Variants in DOCK3 observed in about 807,000 individuals in gnomAD.
DOCK3 encodes the protein dedicator of cytokinesis protein 3.
Under a neutral mutation model 265.6 loss-of-function variants are expected in DOCK3, and 60 were observed. The ratio of observed to expected loss-of-function variants is 0.23; its 90% CI spans 0.18 to 0.28. DOCK3 has a LOEUF of 0.28. Ranked by LOEUF, DOCK3 falls within the 10% of genes least tolerant of loss-of-function variation. The pLI is 1.00. For synonymous variants in DOCK3, 881 were observed against 938.0 expected, an observed-to-expected ratio of 0.94 and a Z score of 1.11; for missense variants, 1,981 against 2,594.3, an observed-to-expected ratio of 0.76 and a Z score of 5.14.
chr3:51,135,049 C>T (rs975965014), intron 9 of DOCK3, among the ~76,000 whole-genome samples: 1 of 152,208 alleles, frequency 6.6e-6, no homozygotes, highest in Non-Finnish European at 1.5e-5. Context: ...GCAAAATAAT[C>T]AATACCAGAG....
At chr3:50,743,091 T>G (rs1388823460) in intron 1 of DOCK3, among the ~76,000 whole-genome samples, 2 of 151,750 alleles carry the variant, frequency 1.3e-5, no homozygotes, top group African/African-American at 4.8e-5. Context: ...CCAGCCAAAC[T>G]AAGCTTCATA....
chr3:51,307,259 G>T (rs2082735310), intron 27 of DOCK3, among the ~76,000 whole-genome samples: 2 of 152,004 alleles, frequency 1.3e-5, no homozygotes, highest in African/African-American at 2.4e-5. Context: ...TGGATTACAG[G>T]CATGCACCAC....
At chr3:50,948,044 T>A (rs1236903780) in intron 5 of DOCK3, among the ~76,000 whole-genome samples, 1 of 143,340 alleles carries the variant, frequency 7.0e-6, no homozygotes, top group African/African-American at 2.6e-5. Flanking sequence ...ATTATTATTA[T>A]TATTATTATT....
chr3:50,797,484 G>A (rs1057228997), intron 2 of DOCK3, among the ~76,000 whole-genome samples: 14 of 152,266 alleles, frequency 9.2e-5, no homozygotes, highest in African/African-American at 2.6e-4. Context: ...CTGTTGTCCC[G>A]GACAGCAGAT....
intron 18 of DOCK3, 43 bp from the exon 19 acceptor site, chr3:51,229,469 T>C (rs2090457548): frequency 7.5e-7 from 1 of 1,332,150 alleles, no homozygotes; most frequent in Non-Finnish European, 1.0e-6. Flanking sequence ...AAAAAGAATA[T>C]CCAGGTTTCA....
chr3:51,352,818 G>A (rs564523360), intron 40 of DOCK3, among the ~76,000 whole-genome samples: 1 of 152,312 alleles, frequency 6.6e-6, no homozygotes, highest in South Asian at 2.1e-4. Context: ...TTGTGGGGAT[G>A]CTGGAGCTCT....
intron 5 of DOCK3, among the ~76,000 whole-genome samples, chr3:51,024,842 C>G (rs1347023130): frequency 1.3e-5 from 2 of 152,182 alleles, no homozygotes; most frequent in Non-Finnish European, 2.9e-5. Flanking sequence ...TTCTTGAATG[C>G]TGGTAATACT....
intron 1 of DOCK3, among the ~76,000 whole-genome samples, chr3:50,765,721 T>G (rs902624810): frequency 6.6e-6 from 1 of 152,196 alleles, no homozygotes; most frequent in Non-Finnish European, 1.5e-5. Context: ...ATCAGGGCAG[T>G]TAGGTTTTCC....
intron 9 of DOCK3, among the ~76,000 whole-genome samples, chr3:51,090,663 T>C (rs1461556303): frequency 2.6e-5 from 4 of 152,084 alleles, no homozygotes; most frequent in East Asian, 1.9e-4. Flanking sequence ...TGCATCTATT[T>C]AATACCACAA....
intron 5 of DOCK3, among the ~76,000 whole-genome samples, chr3:50,993,951 T>A (rs1051203781): frequency 6.6e-6 from 1 of 152,192 alleles, no homozygotes; most frequent in African/African-American, 2.4e-5. Context: ...AACTGTCTAA[T>A]ACAGGTCTAG....
At chr3:51,147,981 T>C (rs549000904) in intron 10 of DOCK3, among the ~76,000 whole-genome samples, 8 of 152,334 alleles carry the variant, frequency 5.3e-5, no homozygotes, top group Non-Finnish European at 1.0e-4. Flanking sequence ...TTCCTATTTC[T>C]CCACATCCTC....
intron 3 of DOCK3, chr3:50,877,297 C>G (rs2047749899): frequency 2.7e-6 from 1 of 367,836 alleles, no homozygotes; most frequent in African/African-American, 2.1e-5. Flanking sequence ...TCTATTCAAC[C>G]TTTTTCTAAT....
intron 22 of DOCK3, among the ~76,000 whole-genome samples, chr3:51,249,617 G>T (rs1226152613): frequency 9.8e-6 from 1 of 102,134 alleles, no homozygotes; most frequent in South Asian, 3.6e-4. Context: ...TCAGCCCCCC[G>T]CCCGGCCAGC....
intron 48 of DOCK3, 145 bp downstream of exon 48, chr3:51,362,142 G>T (rs1345305913): frequency 1.8e-6 from 2 of 1,112,064 alleles, no homozygotes; most frequent in Non-Finnish European, 2.5e-6. Flanking sequence ...GAGCTAGAAA[G>T]CTGCCGTTCC....
intron 5 of DOCK3, among the ~76,000 whole-genome samples, chr3:50,989,056 T>C (rs912421700): frequency 1.3e-5 from 2 of 152,166 alleles, no homozygotes; most frequent in African/African-American, 2.4e-5. Flanking sequence ...AAGAAGAGGC[T>C]GGTCTTTGAC....
At chr3:51,376,012 C>G (rs1383379871) in intron 51 of DOCK3, among the ~76,000 whole-genome samples, 177 bp downstream of exon 51, 1 of 152,200 alleles carries the variant, frequency 6.6e-6, no homozygotes, top group Non-Finnish European at 1.5e-5. Context: ...TGACTTGATG[C>G]TAAGGTTTAT....
At position 51,375,756 on chromosome 3, in the gene DOCK3, T is replaced by C. The variant is rs1458103117; in HGVS notation, c.5421T>C (p.Asn1807=). The C allele has an allele frequency of 6.2e-7, 1 of 1,614,018 alleles. No individual in the cohort carries two copies. Among genetic ancestry groups the C allele is most frequent in the South Asian group, 1.1e-5 (1 of 91,086 alleles). Residue 1807 remains asparagine (N), a synonymous_variant, in exon 51 of 53, where the codon AAT becomes AAC. Transcript: ENST00000266037. Reference sequence around the variant, plus strand: ...TTATCTCCTTCCTTCAGCCGCCGAATTTCCAGCGAGCCCTGTTCCAGCAAG... The same window carrying C: ...TTATCTCCTTCCTTCAGCCGCCGAACTTCCAGCGAGCCCTGTTCCAGCAAG... The part of the protein sequence containing the change: ...AAILENGQPP[N]FQRALFQQVV...
At chr3:51,107,760 G>A (rs1030221513) in intron 9 of DOCK3, among the ~76,000 whole-genome samples, 1 of 152,174 alleles carries the variant, frequency 6.6e-6, no homozygotes, top group Non-Finnish European at 1.5e-5. Flanking sequence ...CTTGGAAAAC[G>A]TATTTCATTA....
chr3:50,681,793 T>C (rs1432703174), intron 1 of DOCK3, among the ~76,000 whole-genome samples: 1 of 152,236 alleles, frequency 6.6e-6, no homozygotes, highest in Non-Finnish European at 1.5e-5. Flanking sequence ...CCTTCGGAAC[T>C]CATTCATGAG....
Sources: allele counts gnomAD v4.1 joint callset (sites outside exome capture counted in the v4.1 genomes callset), GRCh38; gene constraint gnomAD v4.1.1; transcripts MANE v1.5; gene names NCBI Gene and HGNC (gene_info 2026-07-23, HGNC 2026-07-21).